JAK2: variants seen among roughly 807,000 people sequenced by gnomAD.
JAK2 encodes Janus kinase 2, also known as tyrosine-protein kinase JAK2.
JAK2 carries 86 observed loss-of-function variants against 139.3 expected under a neutral mutation model. The observed-to-expected ratio is 0.62, with a 90% CI of 0.52 to 0.74. The LOEUF (loss-of-function observed/expected upper bound fraction) is 0.74. Among genes scored for constraint, JAK2 ranks in the 30% least tolerant of loss-of-function variants. The probability of loss-of-function intolerance (pLI) is 0.00; values close to 1 mark genes in which losing one functional copy is unlikely to be tolerated. For missense variants in JAK2, 1,421 were observed against 1,360.3 expected, an observed-to-expected ratio of 1.04 and a Z score of -0.70; for synonymous variants, 490 against 437.7, an observed-to-expected ratio of 1.12 and a Z score of -1.49.
chr9:5,010,992 G>C (rs1388303530), intron 2 of JAK2, among the ~76,000 whole-genome samples: 7 of 152,124 alleles, frequency 4.6e-5, no homozygotes, highest in African/African-American at 9.7e-5. Context: ...AGCGATGTCA[G>C]TTCTATTTCT....
At chr9:5,072,386 C>T (rs1017112408) in intron 12 of JAK2, 106 bp from the exon 13 acceptor site, 2 of 737,686 alleles carry the variant, frequency 2.7e-6, no homozygotes, top group Non-Finnish European at 4.1e-6. Flanking sequence ...AAGGAAAATA[C>T]TTGCTTATGG....
rs1249752102 is a variant in JAK2 at position 5,078,359 on chromosome 9, C to T, written c.2046C>T (p.Ile682=). The change falls in exon 16 of 25, where the codon ATC becomes ATT. Residue 682 remains isoleucine, a synonymous_variant. Transcript: ENST00000381652. ...GNVCAKNILL[I]REEDRKTGNP... ...TATGTGCCAAAAATATTCTGCTTAT[C>T]AGAGAAGAAGACAGGAAGACAGGAA... The T allele has an allele frequency of 1.2e-6, 2 of 1,612,248 alleles. No homozygotes were observed. The highest frequency in any genetic ancestry group is 1.3e-5 in the African/African-American group (1 of 74,850).
At chr9:5,045,132 T>C (rs1174942091) in intron 5 of JAK2, among the ~76,000 whole-genome samples, 2 of 152,232 alleles carry the variant, frequency 1.3e-5, no homozygotes, top group African/African-American at 4.8e-5. Flanking sequence ...ATTTTGTCAT[T>C]AAATAACTTG....
intron 4 of JAK2, among the ~76,000 whole-genome samples, chr9:5,038,489 A>G (rs938716716): frequency 2.6e-5 from 4 of 152,290 alleles, no homozygotes; most frequent in Non-Finnish European, 4.4e-5. Context: ...CTACAGACCA[A>G]TGTTGTAGGT....
intron 4 of JAK2, among the ~76,000 whole-genome samples, chr9:5,042,396 C>G (rs1419078956): frequency 6.6e-6 from 1 of 152,120 alleles, no homozygotes; most frequent in Non-Finnish European, 1.5e-5. Context: ...CTCGGCCTCC[C>G]AAAGTGCTGG....
chr9:5,048,106 C>G (rs770706609), intron 5 of JAK2, among the ~76,000 whole-genome samples: 4 of 152,076 alleles, frequency 2.6e-5, no homozygotes, highest in Non-Finnish European at 4.4e-5. Flanking sequence ...ATAGAATTTC[C>G]ACATGAGCAG....
At chr9:5,106,548 G>A (rs538327865) in intron 22 of JAK2, among the ~76,000 whole-genome samples, 5 of 152,276 alleles carry the variant, frequency 3.3e-5, no homozygotes, top group Non-Finnish European at 7.4e-5. Context: ...TCCCATTACT[G>A]GGTATACACC....
intron 23 of JAK2, among the ~76,000 whole-genome samples, chr9:5,124,919 T>C (rs1352169750): frequency 6.6e-6 from 1 of 151,520 alleles, no homozygotes; most frequent in Non-Finnish European, 1.5e-5. Context: ...ATCCCAAACC[T>C]ATTCCTAAAC....
chr9:5,073,776 G>C lies in JAK2; in HGVS notation c.1855G>C (p.Gly619Arg), dbSNP rs1236645682. 6.2e-7 allele frequency: 1 copy of C among 1,601,934 alleles called. No individual in the cohort carries two copies. Among genetic ancestry groups the C allele is most frequent in the Admixed American group, 1.7e-5 (1 of 59,894 alleles). ...TTTAAATTATGGAGTATGTGTCTGT[G>C]GAGACGAGAGTAAGTAAAACTACAG... ...LVLNYGVCVCGDENILVQEFV... is the reference protein window; with the variant it reads ...LVLNYGVCVCRDENILVQEFV... The change falls in exon 14 of 25, where the codon GGA becomes CGA. Residue 619 changes from glycine to arginine, a missense_variant. Gly to Arg is a moderately radical substitution (Grantham distance 125). Transcript: ENST00000381652.
chr9:5,114,083 G>C (rs937956316), intron 22 of JAK2: 9 of 335,434 alleles, frequency 2.7e-5, no homozygotes, highest in Non-Finnish European at 4.8e-5. Context: ...CCCTCACCCA[G>C]AAGCGCTGGC....
At chr9:5,077,779 T>G (rs1371906677) in intron 15 of JAK2, among the ~76,000 whole-genome samples, 199 bp downstream of exon 15, 1 of 152,254 alleles carries the variant, frequency 6.6e-6, no homozygotes, top group Admixed American at 6.5e-5. Flanking sequence ...AAAAGTTTTG[T>G]CATCCCATCA....
intron 2 of JAK2, among the ~76,000 whole-genome samples, chr9:4,997,399 A>C (rs977190938): frequency 6.6e-6 from 1 of 152,216 alleles, no homozygotes; most frequent in African/African-American, 2.4e-5. Flanking sequence ...TCAAAAGCTA[A>C]GAGGGAGCAG....
chr9:5,077,729 T>G (rs1170221927), intron 15 of JAK2, 149 bp downstream of exon 15: 2 of 463,946 alleles, frequency 4.3e-6, no homozygotes, highest in Non-Finnish European at 7.2e-6. Flanking sequence ...AAGAGATTAC[T>G]TTAGGCATAT....
intron 2 of JAK2, among the ~76,000 whole-genome samples, chr9:5,020,411 G>A (rs1224759813): frequency 6.6e-6 from 1 of 152,236 alleles, no homozygotes; most frequent in East Asian, 1.9e-4. Flanking sequence ...AGGCCCTCCA[G>A]TGGTGTTAGC....
intron 4 of JAK2, among the ~76,000 whole-genome samples, chr9:5,040,626 C>T (rs569818669): frequency 1.3e-5 from 2 of 152,244 alleles, no homozygotes; most frequent in Admixed American, 1.3e-4. Context: ...AAGACAATGA[C>T]AACTTAATTT....
intron 6 of JAK2, among the ~76,000 whole-genome samples, chr9:5,052,302 T>C (rs1355813596): frequency 6.6e-6 from 1 of 152,124 alleles, no homozygotes; most frequent in East Asian, 1.9e-4. Flanking sequence ...CTACATTATT[T>C]AGTCTAGTGT....
chr9:4,986,412 G>T (rs1335253416), intron 2 of JAK2, among the ~76,000 whole-genome samples: 1 of 152,158 alleles, frequency 6.6e-6, no homozygotes, highest in African/African-American at 2.4e-5. Context: ...CTACCACATT[G>T]AATGTTTCCT....
At chr9:5,107,545 C>G (rs1449080928) in intron 22 of JAK2, among the ~76,000 whole-genome samples, 1 of 151,912 alleles carries the variant, frequency 6.6e-6, no homozygotes, top group Non-Finnish European at 1.5e-5. Flanking sequence ...CAAAAGAACT[C>G]AAAAAGGGTT....
intron 2 of JAK2, among the ~76,000 whole-genome samples, chr9:5,016,383 A>G (rs1027760330): frequency 1.3e-5 from 2 of 152,166 alleles, no homozygotes; most frequent in African/African-American, 4.8e-5. Flanking sequence ...GAGGAGGGAC[A>G]CCACAGACTG....
Sources: allele counts gnomAD v4.1 joint callset (sites outside exome capture counted in the v4.1 genomes callset), GRCh38; gene constraint gnomAD v4.1.1; transcripts MANE v1.5; gene names NCBI Gene and HGNC (gene_info 2026-07-23, HGNC 2026-07-21).